The following KLHL1 variants were observed in gnomAD, a reference collection of about 807,000 sequenced individuals.
KLHL1 encodes the protein kelch-like protein 1.
KLHL1 carries 47 observed loss-of-function variants against 77.7 expected under a neutral mutation model. The ratio of observed to expected loss-of-function variants is 0.60; its 90% CI spans 0.48 to 0.77. KLHL1 has a LOEUF of 0.77. Ranked by LOEUF, KLHL1 falls within the 30% of genes least tolerant of loss-of-function variation. The pLI is 0.00. For missense variants in KLHL1, 925 were observed against 910.8 expected (o/e 1.02, Z -0.20); for synonymous variants, 360 against 325.2 (o/e 1.11, Z -1.15).
intron 1 of KLHL1, among the ~76,000 whole-genome samples, chr13:70,014,179 A>G (rs1470049120): frequency 6.6e-6 from 1 of 152,072 alleles, no homozygotes; most frequent in Non-Finnish European, 1.5e-5. Flanking sequence ...AAAAGAATTG[A>G]TTTTTCTTCC....
intron 4 of KLHL1, among the ~76,000 whole-genome samples, chr13:69,920,540 A>T (rs1197186921): frequency 6.6e-6 from 1 of 152,116 alleles, no homozygotes; most frequent in East Asian, 1.9e-4. Flanking sequence ...TTAATTAAGA[A>T]AACTATATTG....
chr13:69,934,029 A>G (rs997377350), intron 4 of KLHL1, among the ~76,000 whole-genome samples: 5 of 152,152 alleles, frequency 3.3e-5, no homozygotes, highest in Admixed American at 3.3e-4. Flanking sequence ...TAGCATGTCT[A>G]TCTATTGATC....
intron 3 of KLHL1, among the ~76,000 whole-genome samples, chr13:69,954,695 A>G (rs556080620): frequency 1.3e-5 from 2 of 151,264 alleles, no homozygotes; most frequent in African/African-American, 2.4e-5. Context: ...TTCAATAACA[A>G]CAACAAAAAG....
Position 70,061,340 on chromosome 13 carries a change from A to ATT in KLHL1, c.497+45861_497+45862dup, listed in dbSNP as rs34892755. On this transcript the variant is annotated intron_variant, in intron 1 of 10. Coordinates refer to ENST00000377844, the MANE Select transcript of KLHL1 (RefSeq NM_020866.3). ...CCTTTCCTTGGCAGTCCTGAATTCC[A>ATT]TTTTTTTTTTTTCTGACTAGTAACA... Among the ~76,000 whole-genome samples the ATT allele has an allele frequency of 2.1e-3, 302 of 145,914 alleles. 1 individual carries two copies. The highest frequency in any genetic ancestry group is 7.1e-3 in the African/African-American group (277 of 39,056).
At chr13:69,895,130 T>C (rs575564080) in intron 4 of KLHL1, 3 of 464,938 alleles carry the variant, frequency 6.5e-6, no homozygotes, top group East Asian at 5.5e-5. Flanking sequence ...TTGTTCCTTA[T>C]ATATAATGAA....
chr13:69,950,186 C>T (rs1437980445), intron 3 of KLHL1, among the ~76,000 whole-genome samples: 1 of 151,674 alleles, frequency 6.6e-6, no homozygotes, highest in Non-Finnish European at 1.5e-5. Flanking sequence ...GTAGCTGCGA[C>T]AATACAAGTC....
intron 7 of KLHL1, among the ~76,000 whole-genome samples, chr13:69,791,334 A>AT (rs202240606): frequency 1.3e-3 from 192 of 151,156 alleles, no homozygotes; most frequent in African/African-American, 4.3e-3. Flanking sequence ...TGGAAGATTT[A>AT]TTTTTTTTTA....
rs1877121160 is a variant in KLHL1 at position 69,796,718 on chromosome 13, T to C, written c.1639+20A>G. 6.7e-6 allele frequency: 10 copies of C among 1,489,380 alleles called. No individual in the cohort carries two copies. Among genetic ancestry groups the C allele is most frequent in the Non-Finnish European group, 9.4e-6 (10 of 1,068,708 alleles). The allele number at this position is 1,489,380 out of a possible 1,614,324, so 92.3% of individuals were successfully genotyped here. A position where few individuals can be genotyped will look rare whatever the true frequency, so the allele number is the denominator to read the frequency against. On this transcript the variant is annotated intron_variant, in intron 7 of 10. Coordinates refer to ENST00000377844, the MANE Select transcript of KLHL1 (RefSeq NM_020866.3). The stretch of plus-strand genomic sequence containing the variant: ...CAATAACATGTTTCTAAAAGTAATA[T>C]CAATAAAGTAAGATCTTACCTAGAC...
chr13:69,835,307 T>G (rs1878942380), intron 6 of KLHL1, among the ~76,000 whole-genome samples: 1 of 152,102 alleles, frequency 6.6e-6, no homozygotes, highest in African/African-American at 2.4e-5. Context: ...ACAAAAAAAA[T>G]TATTTGCATT....
At chr13:69,981,422 T>G (rs948379170) in intron 1 of KLHL1, among the ~76,000 whole-genome samples, 8 of 151,976 alleles carry the variant, frequency 5.3e-5, no homozygotes, top group African/African-American at 1.9e-4. Context: ...AGCTTTTGTT[T>G]TGAGAAAAAT....
intron 5 of KLHL1, among the ~76,000 whole-genome samples, chr13:69,847,694 AT>A (rs1389778763): frequency 6.6e-6 from 1 of 151,518 alleles, no homozygotes; most frequent in Non-Finnish European, 1.5e-5. Flanking sequence ...ACTTCATCTT[AT>A]TTCATAATAT....
intron 1 of KLHL1, among the ~76,000 whole-genome samples, chr13:70,068,045 T>TA (rs11383566): frequency 0.12 from 17,231 of 141,472 alleles, 1,133 homozygotes; most frequent in Middle Eastern, 0.16. Flanking sequence ...TTAGTATAAG[T>TA]AAAAAAAAAA....
intron 3 of KLHL1, among the ~76,000 whole-genome samples, chr13:69,941,639 TAAAC>T (rs538733810): frequency 3.3e-5 from 5 of 151,406 alleles, no homozygotes; most frequent in African/African-American, 4.9e-5. Context: ...TTAAAACAAA[TAAAC>T]AAAAGCAATC....
intron 6 of KLHL1, among the ~76,000 whole-genome samples, chr13:69,823,136 C>T (rs967258826): frequency 1.6e-4 from 24 of 152,020 alleles, no homozygotes; most frequent in African/African-American, 5.6e-4. Flanking sequence ...CATAATATTT[C>T]AAAGTAAGGC....
At chr13:70,035,326 AG>A (rs1162829452) in intron 1 of KLHL1, among the ~76,000 whole-genome samples, 1 of 152,138 alleles carries the variant, frequency 6.6e-6, no homozygotes, top group Non-Finnish European at 1.5e-5. Context: ...GAAATAAGAC[AG>A]GCACAGAAAA....
At chr13:70,087,993 G>A (rs1374072960) in intron 1 of KLHL1, among the ~76,000 whole-genome samples, 3 of 152,078 alleles carry the variant, frequency 2.0e-5, no homozygotes, top group Non-Finnish European at 4.4e-5. Context: ...TAGGTGATGG[G>A]TTGATAGGTG....
chr13:69,742,401 G>A (rs1874023711), intron 7 of KLHL1, among the ~76,000 whole-genome samples: 1 of 152,132 alleles, frequency 6.6e-6, no homozygotes, highest in African/African-American at 2.4e-5. Flanking sequence ...GCAGAAATAT[G>A]AGAGACCCAT....
At chr13:69,816,851 G>C (rs978348100) in intron 6 of KLHL1, among the ~76,000 whole-genome samples, 1 of 152,038 alleles carries the variant, frequency 6.6e-6, no homozygotes, top group Non-Finnish European at 1.5e-5. Flanking sequence ...CCAGCTATTC[G>C]GGAGGCTGAG....
chr13:70,108,309 C>T lies in KLHL1; in HGVS notation c.-610G>A, dbSNP rs918442673. 5.9e-6 allele frequency: 2 copies of T among 339,438 alleles called. No homozygotes were observed. Among genetic ancestry groups the T allele is most frequent in the Non-Finnish European group, 1.1e-5 (2 of 189,654 alleles). 21.0% of individuals were successfully genotyped at this position (339,438 alleles called of 1,614,324 possible). A position where few individuals can be genotyped will look rare whatever the true frequency, so the allele number is the denominator to read the frequency against. ...TGCCCCGATAGCCTGCCGGGTGGCTCTGAGAAAGTCAATTGCTTTCTGCAA... is the reference window on the plus strand; with the variant it reads ...TGCCCCGATAGCCTGCCGGGTGGCTTTGAGAAAGTCAATTGCTTTCTGCAA... On this transcript the variant is annotated 5_prime_UTR_variant, in exon 1 of 11. Coordinates refer to ENST00000377844, the MANE Select transcript of KLHL1 (RefSeq NM_020866.3).
Sources: gnomAD v4.1 joint callset for allele counts (sites outside exome capture counted in the v4.1 genomes callset) on GRCh38, gnomAD v4.1.1 for gene constraint, MANE v1.5 for transcripts, NCBI Gene and HGNC (gene_info 2026-07-23, HGNC 2026-07-21) for gene names.